Variants in SORCS3 observed in about 807,000 individuals in gnomAD.
The protein encoded by SORCS3 is VPS10 domain-containing receptor SorCS3.
A neutral mutation model predicts 146.3 loss-of-function variants in SORCS3; 57 were observed. The observed-to-expected ratio is 0.39, with a 90% CI of 0.31 to 0.49. The LOEUF is 0.49. Among genes scored for constraint, SORCS3 ranks in the 20% least tolerant of loss-of-function variants. The pLI is 0.92. For missense variants in SORCS3, 1,341 were observed against 1,575.5 expected (o/e 0.85, Z 2.52); for synonymous variants, 653 against 618.5 (o/e 1.06, Z -0.83).
At chr10:104,942,153 A>T (rs2133619314) in intron 3 of SORCS3, among the ~76,000 whole-genome samples, 1 of 152,358 alleles carries the variant, frequency 6.6e-6, no homozygotes, top group African/African-American at 2.4e-5. Context: ...GTGCTCTGGA[A>T]GGAGAATCAT....
chr10:104,865,702 GA>G (rs2018452105), intron 2 of SORCS3, among the ~76,000 whole-genome samples: 1 of 152,196 alleles, frequency 6.6e-6, no homozygotes, highest in South Asian at 2.1e-4. Context: ...AGAAACCCGT[GA>G]GTCTGAAAAG....
chr10:104,936,567 C>T (rs2019262811), intron 3 of SORCS3, among the ~76,000 whole-genome samples: 1 of 152,100 alleles, frequency 6.6e-6, no homozygotes, highest in Non-Finnish European at 1.5e-5. Flanking sequence ...TTTGGGCATG[C>T]TGAGTTTGAT....
chr10:105,162,739 C>T (rs2056276210), intron 11 of SORCS3, among the ~76,000 whole-genome samples: 2 of 152,110 alleles, frequency 1.3e-5, no homozygotes, highest in African/African-American at 2.4e-5. Context: ...AAGATGTTGA[C>T]AGAACCAGCT....
rs781287683 is a variant in SORCS3, at chr10:105,217,403, AG to A, written c.2734+282del. The stretch of plus-strand genomic sequence containing the variant: ...GTGCGTGCACACACATTCAGGTAAA[AG>A]TCTCCTCTCTTCCTTTTGGAGAATC... On this transcript the variant is annotated intron_variant, in intron 19 of 26. Coordinates refer to ENST00000369701, the MANE Select transcript of SORCS3 (RefSeq NM_014978.3). Among the ~76,000 whole-genome samples, 81 of 152,314 alleles carry A rather than the reference AG, an allele frequency of 5.3e-4. 1 individual carries two copies. Among genetic ancestry groups the A allele is most frequent in the Non-Finnish European group, 5.4e-4 (37 of 68,018 alleles).
Position 104,708,470 on chromosome 10 carries a change from T to C in SORCS3, c.627+66516T>C, listed in dbSNP as rs527420237. Among the ~76,000 whole-genome samples, 10 of 152,290 alleles carry C rather than the reference T, an allele frequency of 6.6e-5. No individual in the cohort carries two copies. The South Asian group carries it at 1.0e-3, about 16-fold the overall frequency. On this transcript the variant is annotated intron_variant, in intron 1 of 26. Transcript: ENST00000369701. ...TTCCCTATTCTTCCAGCTGTCATCATACAATGAGAGATGTTAGGCCAAAGA... is the reference window on the plus strand; with the variant it reads ...TTCCCTATTCTTCCAGCTGTCATCACACAATGAGAGATGTTAGGCCAAAGA...
chr10:104,693,030 C>T (rs906656347), intron 1 of SORCS3, among the ~76,000 whole-genome samples: 1 of 152,192 alleles, frequency 6.6e-6, no homozygotes, highest in African/African-American at 2.4e-5. Context: ...CACTAGTCTA[C>T]CCCAGGGGCA....
intron 19 of SORCS3, chr10:105,217,854 C>A (rs987425843): frequency 2.2e-6 from 1 of 453,816 alleles, no homozygotes; most frequent in Non-Finnish European, 4.4e-6. Context: ...GATGTCGGGT[C>A]GAGGAAATGT....
At chr10:104,645,023 G>A (rs1347841060) in intron 1 of SORCS3, among the ~76,000 whole-genome samples, 1 of 152,166 alleles carries the variant, frequency 6.6e-6, no homozygotes, top group Non-Finnish European at 1.5e-5. Flanking sequence ...TATTTGCCTT[G>A]GTCCCAGGAC....
chr10:104,842,037 G>T (rs180681978), intron 1 of SORCS3, among the ~76,000 whole-genome samples: 6 of 152,296 alleles, frequency 3.9e-5, no homozygotes, highest in African/African-American at 1.2e-4. Flanking sequence ...TAGAGAAAGC[G>T]CATGGGAACA....
chr10:104,917,583 C>A (rs2864034), intron 3 of SORCS3, among the ~76,000 whole-genome samples: 26,813 of 152,134 alleles, frequency 0.18, 2,656 homozygotes, highest in Middle Eastern at 0.24. Context: ...ATATCTTGAA[C>A]TTATTCCTCC....
chr10:104,976,864 T>A (rs917122926), intron 3 of SORCS3, among the ~76,000 whole-genome samples: 3 of 151,386 alleles, frequency 2.0e-5, no homozygotes, highest in Non-Finnish European at 4.4e-5. Context: ...AACAATGAGA[T>A]CGCATGGACA....
At chr10:105,207,916 A>T (rs993636948) in intron 16 of SORCS3, among the ~76,000 whole-genome samples, 2 of 152,190 alleles carry the variant, frequency 1.3e-5, no homozygotes, top group South Asian at 4.1e-4. Context: ...CCCTTCCTTC[A>T]TAGATTACCA....
intron 10 of SORCS3, among the ~76,000 whole-genome samples, chr10:105,158,446 G>A (rs2056231068): frequency 6.6e-6 from 1 of 152,186 alleles, no homozygotes; most frequent in African/African-American, 2.4e-5. Flanking sequence ...GCTGAAGAAG[G>A]TGGAGGGCCT....
intron 20 of SORCS3, among the ~76,000 whole-genome samples, chr10:105,233,801 G>A (rs954713096): frequency 1.3e-5 from 2 of 152,118 alleles, no homozygotes; most frequent in Admixed American, 6.6e-5. Flanking sequence ...TCTTTATCCA[G>A]TCTACCATTG....
chr10:104,801,704 G>A (rs148362251), intron 1 of SORCS3, among the ~76,000 whole-genome samples: 2,163 of 152,264 alleles, frequency 0.014, 32 homozygotes, highest in African/African-American at 0.037. Flanking sequence ...TGTATGTTTT[G>A]AAGCAGGGCC....
chr10:104,915,689 T>A, intron 2 of SORCS3, 144 bp from the exon 3 acceptor site: 1 of 674,950 alleles, frequency 1.5e-6, no homozygotes, highest in Non-Finnish European at 2.6e-6. Context: ...CTTCTAAAAT[T>A]AATGGGGCTT....
At chr10:104,874,967 A>G (rs1045405209) in intron 2 of SORCS3, among the ~76,000 whole-genome samples, 1 of 152,098 alleles carries the variant, frequency 6.6e-6, no homozygotes, top group African/African-American at 2.4e-5. Flanking sequence ...GAATTACACT[A>G]TGTGATCACA....
At chr10:105,048,941 TACAC>T (rs550782824) in intron 5 of SORCS3, among the ~76,000 whole-genome samples, 88 of 152,260 alleles carry the variant, frequency 5.8e-4, no homozygotes, top group African/African-American at 2.1e-3. Flanking sequence ...AATATCTTAT[TACAC>T]AAAGATACAT....
At position 105,146,681 on chromosome 10, in the gene SORCS3, T is replaced by A. The variant is rs1439835799; in HGVS notation, c.1303-936T>A. Among the ~76,000 whole-genome samples the A allele has an allele frequency of 6.6e-5, 10 of 152,072 alleles. No homozygotes were observed. The South Asian group carries it at 1.0e-3, about 16-fold the overall frequency. ...TTATGTTGGAGTCAGACCACAGAGGTTTAAAAGCTGGTTCTGCCATTTGAT... is the reference window on the plus strand; with the variant it reads ...TTATGTTGGAGTCAGACCACAGAGGATTAAAAGCTGGTTCTGCCATTTGAT... On this transcript the variant is annotated intron_variant, in intron 8 of 26. Transcript: ENST00000369701.
Sources: allele counts gnomAD v4.1 joint callset (sites outside exome capture counted in the v4.1 genomes callset), GRCh38; gene constraint gnomAD v4.1.1; transcripts MANE v1.5; gene names NCBI Gene and HGNC (gene_info 2026-07-23, HGNC 2026-07-21).